Variants in CSF1R observed in about 807,000 individuals in gnomAD.
The protein encoded by CSF1R is colony stimulating factor 1 receptor, also known as macrophage colony-stimulating factor 1 receptor.
CSF1R carries 40 observed loss-of-function variants against 110.0 expected under a neutral mutation model. The observed-to-expected ratio is 0.36, with a 90% confidence interval of 0.28 to 0.47. CSF1R has a LOEUF of 0.47. Ranked by LOEUF, CSF1R falls within the 20% of genes least tolerant of loss-of-function variation. CSF1R has a pLI of 0.99. For missense variants in CSF1R, 1,052 were observed against 1,253.0 expected (o/e 0.84, Z 2.42); for synonymous variants, 523 against 503.4 (o/e 1.04, Z -0.52).
At chr5:150,094,605 A>T in intron 1 of CSF1R, 1 of 1,570,244 alleles carries the variant, frequency 6.4e-7, no homozygotes, top group South Asian at 1.1e-5. Context: ...CAATGGAGTG[A>T]GCCCAAAGGT....
intron 1 of CSF1R, among the ~76,000 whole-genome samples, chr5:150,100,290 C>CTTTTTTTTTTTTTTTTTT (rs752638971): frequency 1.1e-5 from 1 of 89,348 alleles, no homozygotes. Context: ...ATTGGCTAAC[C>CTTTTTTTTTTTTTTTTTT]TTTTTTTTTT....
intron 1 of CSF1R, among the ~76,000 whole-genome samples, chr5:150,082,290 AC>A (rs538937692): frequency 6.3e-4 from 96 of 152,212 alleles, no homozygotes; most frequent in African/African-American, 2.2e-3. Flanking sequence ...TTCTCTGCAA[AC>A]CCCCTTGAAA....
At chr5:150,083,325 C>T (rs1417622029) in intron 1 of CSF1R, among the ~76,000 whole-genome samples, 1 of 144,798 alleles carries the variant, frequency 6.9e-6, no homozygotes, top group African/African-American at 2.6e-5. Context: ...CCAGAATGTG[C>T]CCCAATCTCT....
intron 16 of CSF1R, among the ~76,000 whole-genome samples, chr5:150,056,580 C>G (rs1011033953): frequency 6.6e-6 from 1 of 152,170 alleles, no homozygotes. Flanking sequence ...AGCCATGGCC[C>G]TTCTCACCCT....
intron 1 of CSF1R, among the ~76,000 whole-genome samples, chr5:150,098,938 G>A (rs1159046075): frequency 5.6e-5 from 8 of 143,152 alleles, no homozygotes; most frequent in African/African-American, 2.1e-4. Flanking sequence ...TTGTCACCCA[G>A]GCTATAGTGC....
intron 1 of CSF1R, among the ~76,000 whole-genome samples, 188 bp from the exon 2 acceptor site, chr5:150,081,212 A>C (rs1758527535): frequency 6.6e-6 from 1 of 152,052 alleles, no homozygotes; most frequent in Non-Finnish European, 1.5e-5. Context: ...GGACAGACTG[A>C]TGTCTCTGAT....
chr5:150,069,844 G>C lies in CSF1R; in HGVS notation c.1510+29C>G, dbSNP rs550021068. The C allele has an allele frequency of 3.1e-5, 41 of 1,311,030 alleles. No individual in the cohort carries two copies. In the South Asian group the frequency reaches 4.7e-4, roughly 15 times the overall value. 81.2% of individuals were successfully genotyped at this position (1,311,030 alleles called of 1,614,324 possible). A position where few individuals can be genotyped will look rare whatever the true frequency, so the allele number is the denominator to read the frequency against. On this transcript the variant is annotated intron_variant, in intron 9 of 20. Transcript: ENST00000675795. ...GCAGGGGCGGGGGGCGGGCGGGGGGGCGGTGCGGGTGCGAAGGCTCCCTCT... is the reference window on the plus strand; with the variant it reads ...GCAGGGGCGGGGGGCGGGCGGGGGGCCGGTGCGGGTGCGAAGGCTCCCTCT...
intron 6 of CSF1R, 55 bp from the exon 7 acceptor site, chr5:150,070,626 C>T (rs1757993670): frequency 2.4e-6 from 3 of 1,252,080 alleles, no homozygotes; most frequent in South Asian, 1.7e-5. Flanking sequence ...TGGCCCCTGC[C>T]AGGATTGCAG....
rs114651781 is a variant in CSF1R, at chr5:150,074,433, G to A, written c.890-940C>T. Among the ~76,000 whole-genome samples the A allele has an allele frequency of 5.4e-3, 816 of 150,356 alleles. 1 individual carries two copies. The highest frequency in any genetic ancestry group is 8.6e-3 in the Non-Finnish European group (582 of 67,778). ...AGCGATTCTCCGGCCTCAGCCTCCC[G>A]AGTAGCTGGGACAACAGTTGCATGC... On this transcript the variant is annotated intron_variant, in intron 5 of 20. Coordinates refer to ENST00000675795, the MANE Select transcript of CSF1R (RefSeq NM_001288705.3).
chr5:150,058,772 G>A (rs975580136), intron 14 of CSF1R, among the ~76,000 whole-genome samples: 2 of 151,842 alleles, frequency 1.3e-5, no homozygotes, highest in Non-Finnish European at 2.9e-5. Flanking sequence ...CAGTATCTAG[G>A]ATGAGGGCGC....
chr5:150,097,354 A>C (rs1380063964), intron 1 of CSF1R, among the ~76,000 whole-genome samples: 1 of 151,360 alleles, frequency 6.6e-6, no homozygotes, highest in East Asian at 1.9e-4. Context: ...GTAGGGAAGG[A>C]GGAAGAGAGA....
chr5:150,100,289 C>A (rs4337842), intron 1 of CSF1R, among the ~76,000 whole-genome samples: 34,055 of 108,080 alleles, frequency 0.32, 5,348 homozygotes, highest in East Asian at 0.45. Flanking sequence ...CATTGGCTAA[C>A]CTTTTTTTTT....
chr5:150,069,496 C>T (rs562473715), intron 9 of CSF1R, among the ~76,000 whole-genome samples: 29 of 152,290 alleles, frequency 1.9e-4, no homozygotes, highest in African/African-American at 7.0e-4. Flanking sequence ...TGCCTGCCTC[C>T]CTCATCAGCC....
chr5:150,108,316 A>G (rs1400571352), intron 1 of CSF1R, among the ~76,000 whole-genome samples: 1 of 152,178 alleles, frequency 6.6e-6, no homozygotes. Flanking sequence ...ACCTTCAGCT[A>G]TAAAAGACTG....
At position 150,053,348 on chromosome 5, in the gene CSF1R, TAGTTAGGATG is replaced by T. The variant is rs1471941029; in HGVS notation, c.*711_*720del. 1 of 233,534 alleles carries T rather than the reference TAGTTAGGATG, an allele frequency of 4.3e-6. No individual in the cohort carries two copies. The highest frequency in any genetic ancestry group is 2.2e-5 in the African/African-American group (1 of 45,304). The allele number at this position is 233,534 out of a possible 1,614,324, so 14.5% of individuals were successfully genotyped here. A position where few individuals can be genotyped will look rare whatever the true frequency, so the allele number is the denominator to read the frequency against. Reference sequence around the variant, plus strand: ...CAGAGACATCCCACGGCGTGACTGTTAGTTAGGATGAGTCAGCTTGGGGGAGTTTGTGCTT... The same window carrying T: ...CAGAGACATCCCACGGCGTGACTGTTAGTCAGCTTGGGGGAGTTTGTGCTT... On this transcript the variant is annotated 3_prime_UTR_variant, in exon 21 of 21. Coordinates refer to ENST00000675795, the MANE Select transcript of CSF1R (RefSeq NM_001288705.3).
At chr5:150,055,412 G>A in intron 18 of CSF1R, 76 bp from the exon 19 acceptor site, 3 of 1,287,268 alleles carry the variant, frequency 2.3e-6, no homozygotes, top group Non-Finnish European at 3.4e-6. Flanking sequence ...ACACATCTTA[G>A]ACTGGGTTTA....
intron 2 of CSF1R, 80 bp from the exon 3 acceptor site, chr5:150,080,416 A>G: frequency 6.6e-7 from 1 of 1,520,286 alleles, no homozygotes; most frequent in South Asian, 1.3e-5. Flanking sequence ...GTGACAAGGA[A>G]GCTCAGAGAG....
rs1349566892 is a variant in CSF1R at position 150,070,266 on chromosome 5, TTGA to T, written c.1232_1234del (p.Ile411del). On this transcript the variant is annotated inframe_deletion, in exon 8 of 21. Transcript: ENST00000675795. Reference sequence around the variant, plus strand: ...AGCACACAAAAGGGTGCCAGAGCCGTTGATGAATGTCCATATGACGCTTACCTC... The same window carrying T: ...AGCACACAAAAGGGTGCCAGAGCCGTTGAATGTCCATATGACGCTTACCTC... 1.9e-6 allele frequency: 3 copies of T among 1,614,104 alleles called. No individual in the cohort carries two copies. The South Asian group carries it at 3.3e-5, about 18-fold the overall frequency.
intron 1 of CSF1R, chr5:150,094,473 C>T (rs1006682749): frequency 9.7e-5 from 155 of 1,598,638 alleles, no homozygotes; most frequent in Non-Finnish European, 1.2e-4. Flanking sequence ...AAAGCACTAT[C>T]ACAAGGAATA....
Sources: allele counts gnomAD v4.1 joint callset (sites outside exome capture counted in the v4.1 genomes callset), GRCh38; gene constraint gnomAD v4.1.1; transcripts MANE v1.5; gene names NCBI Gene and HGNC (gene_info 2026-07-23, HGNC 2026-07-21).